PPIP5K2: variants seen among roughly 807,000 people sequenced by gnomAD.
The protein encoded by PPIP5K2 is inositol hexakisphosphate and diphosphoinositol-pentakisphosphate kinase 2.
A neutral mutation model predicts 154.6 loss-of-function variants in PPIP5K2; 105 were observed. The ratio of observed to expected loss-of-function variants is 0.68; its 90% CI spans 0.58 to 0.80. PPIP5K2 has a LOEUF of 0.80. Ranked by LOEUF, PPIP5K2 falls within the 30% of genes least tolerant of loss-of-function variation. The probability of loss-of-function intolerance (pLI) is 0.00; values close to 1 mark genes in which losing one functional copy is unlikely to be tolerated. For synonymous variants in PPIP5K2, 480 were observed against 490.3 expected, an observed-to-expected ratio of 0.98 and a Z score of 0.28; for missense variants, 992 against 1,504.6, an observed-to-expected ratio of 0.66 and a Z score of 5.64.
At chr5:103,192,879 G>A (rs150470871) in intron 29 of PPIP5K2, among the ~76,000 whole-genome samples, 264 of 152,222 alleles carry the variant, frequency 1.7e-3, no homozygotes, top group African/African-American at 6.1e-3. Flanking sequence ...AGAACTAGAT[G>A]AGAAAGTAAA....
chr5:103,196,121 T>C (rs1802057196), intron 30 of PPIP5K2, among the ~76,000 whole-genome samples: 1 of 152,186 alleles, frequency 6.6e-6, no homozygotes, highest in African/African-American at 2.4e-5. Flanking sequence ...TCTCTTTACT[T>C]CTCCCCAAAT....
intron 25 of PPIP5K2, 33 bp downstream of exon 25, chr5:103,183,440 C>T: frequency 6.4e-7 from 1 of 1,564,290 alleles, no homozygotes; most frequent in Non-Finnish European, 8.7e-7. Context: ...AACATTTTTC[C>T]TCCCTGCATT....
At chr5:103,147,375 A>G (rs1793926380) in intron 6 of PPIP5K2, among the ~76,000 whole-genome samples, 1 of 151,976 alleles carries the variant, frequency 6.6e-6, no homozygotes, top group South Asian at 2.1e-4. Context: ...AAACTTACAC[A>G]TTGCTGATGA....
chr5:103,138,263 G>A (rs913224081), intron 4 of PPIP5K2, 121 bp from the exon 5 acceptor site: 2 of 440,524 alleles, frequency 4.5e-6, no homozygotes, highest in African/African-American at 2.0e-5. Context: ...AATAAAAAGT[G>A]TTGAGATATA....
intron 2 of PPIP5K2, 47 bp from the exon 3 acceptor site, chr5:103,133,406 G>A (rs925630108): frequency 7.9e-6 from 12 of 1,520,964 alleles, no homozygotes; most frequent in African/African-American, 1.4e-5. Flanking sequence ...CTGTACTTTG[G>A]AGTTCATGTA....
Position 103,177,988 on chromosome 5 carries a change from A to T in PPIP5K2, c.2754+8A>T. 1.3e-6 allele frequency: 2 copies of T among 1,534,716 alleles called. No individual in the cohort carries two copies. Among genetic ancestry groups the T allele is most frequent in the Non-Finnish European group, 1.8e-6 (2 of 1,108,434 alleles). ...AGACCAGCTTCCAGAGAGGTAATGAAGGTGGAACTCTCAGTGCTTAGTTAC... is the reference window on the plus strand; with the variant it reads ...AGACCAGCTTCCAGAGAGGTAATGATGGTGGAACTCTCAGTGCTTAGTTAC... On this transcript the variant is annotated splice_region_variant and intron_variant, in intron 23 of 30. Coordinates refer to ENST00000358359, the MANE Select transcript of PPIP5K2 (RefSeq NM_001276277.3).
rs1476478516 is a variant in PPIP5K2, at chr5:103,202,005, T to C, written c.*371T>C. The C allele has an allele frequency of 6.2e-6, 1 of 160,642 alleles. No homozygotes were observed. The allele number at this position is 160,642 out of a possible 1,614,324, so 10.0% of individuals were successfully genotyped here. ...CTTTTATTTTCATGGGATTGCATCTTAGCTGTTAAAACTTCTAGATTGAAA... is the reference window on the plus strand; with the variant it reads ...CTTTTATTTTCATGGGATTGCATCTCAGCTGTTAAAACTTCTAGATTGAAA... On this transcript the variant is annotated 3_prime_UTR_variant, in exon 31 of 31. Coordinates refer to ENST00000358359, the MANE Select transcript of PPIP5K2 (RefSeq NM_001276277.3).
In PPIP5K2 at chr5:103,210,362, A is replaced by G. The variant is rs1169654256; in HGVS notation, c.*8728A>G. 3 of 152,262 alleles carry G rather than the reference A, an allele frequency of 2.0e-5. No homozygotes were observed. The East Asian group carries it at 5.8e-4, about 29-fold the overall frequency. The allele number at this position is 152,262 out of a possible 1,614,324, so 9.4% of individuals were successfully genotyped here. A position where few individuals can be genotyped will look rare whatever the true frequency, so the allele number is the denominator to read the frequency against. On this transcript the variant is annotated 3_prime_UTR_variant, in exon 31 of 31. Coordinates refer to ENST00000358359, the MANE Select transcript of PPIP5K2 (RefSeq NM_001276277.3). ...AGATGCTTTAATTCCATTTTTGACA[A>G]TGAACCTTGTGCTTCTGAAAATATT...
Position 103,209,026 on chromosome 5 carries a change from G to T in PPIP5K2, c.*7392G>T, listed in dbSNP as rs1185857636. 2 of 152,170 alleles carry T rather than the reference G, an allele frequency of 1.3e-5. No individual in the cohort carries two copies. Among genetic ancestry groups the T allele is most frequent in the Admixed American group, 1.3e-4 (2 of 15,270 alleles). The allele number at this position is 152,170 out of a possible 1,614,324, so 9.4% of individuals were successfully genotyped here. ...AACAAAAGAAGCCTGCCTCTCTTTA[G>T]ACTGCCCATCTCAATTATATTTTAA... On this transcript the variant is annotated 3_prime_UTR_variant, in exon 31 of 31. Transcript: ENST00000358359.
intron 26 of PPIP5K2, among the ~76,000 whole-genome samples, chr5:103,185,114 A>C (rs1484721189): frequency 6.6e-6 from 1 of 152,150 alleles, no homozygotes; most frequent in African/African-American, 2.4e-5. Flanking sequence ...TTTCTGGTTA[A>C]AAATATTTTT....
Position 103,201,672 on chromosome 5 carries a change from A to C in PPIP5K2, c.*38A>C, listed in dbSNP as rs781873551. ...AGCTGGAACTTTTTATACTTATAAA[A>C]ATAGTATGTTCTTATGTTTCTCCTT... On this transcript the variant is annotated 3_prime_UTR_variant, in exon 31 of 31. Coordinates refer to ENST00000358359, the MANE Select transcript of PPIP5K2 (RefSeq NM_001276277.3). 1 of 1,379,074 alleles carries C rather than the reference A, an allele frequency of 7.3e-7. No homozygotes were observed. The highest frequency in any genetic ancestry group is 1.5e-5 in the African/African-American group (1 of 68,184). 85.4% of individuals were successfully genotyped at this position (1,379,074 alleles called of 1,614,324 possible). A position where few individuals can be genotyped will look rare whatever the true frequency, so the allele number is the denominator to read the frequency against.
rs1303281664 is a variant in PPIP5K2, at chr5:103,204,116, T to C, written c.*2482T>C. 2.0e-5 allele frequency: 3 copies of C among 152,216 alleles called. No individual in the cohort carries two copies. The highest frequency in any genetic ancestry group is 2.9e-5 in the Non-Finnish European group (2 of 68,040). 9.4% of individuals were successfully genotyped at this position (152,216 alleles called of 1,614,324 possible). ...TTTCTGTTTTCACCCGGATTTCTTT[T>C]TGGGTTGACTCTGTCTGACCTAAAT... is the stretch of plus-strand genomic sequence containing the variant. On this transcript the variant is annotated 3_prime_UTR_variant, in exon 31 of 31. Transcript: ENST00000358359.
chr5:103,141,343 A>C (rs1359096715), intron 5 of PPIP5K2, among the ~76,000 whole-genome samples: 1 of 151,894 alleles, frequency 6.6e-6, no homozygotes, highest in Non-Finnish European at 1.5e-5. Context: ...TCAGGAGTGA[A>C]GCTGCAGACC....
rs1554211228 is a variant in PPIP5K2 at position 103,151,252 on chromosome 5, G to A, written c.907-1G>A. 1 of 1,590,058 alleles carries A rather than the reference G, an allele frequency of 6.3e-7. No individual in the cohort carries two copies. Among genetic ancestry groups the A allele is most frequent in the Non-Finnish European group, 8.6e-7 (1 of 1,168,542 alleles). On this transcript the variant is annotated splice_acceptor_variant, in intron 8 of 30. Transcript: ENST00000358359. LOFTEE classifies it high-confidence loss of function. Reference sequence around the variant, plus strand: ...TAAAGTTTATAACTTATTTTAAATAGCAAACAGTTTGTGGCTTTGATTTGT... The same window carrying A: ...TAAAGTTTATAACTTATTTTAAATAACAAACAGTTTGTGGCTTTGATTTGT...
At chr5:103,136,677 G>A in intron 3 of PPIP5K2, 55 bp from the exon 4 acceptor site, 2 of 1,386,314 alleles carry the variant, frequency 1.4e-6, no homozygotes, top group Non-Finnish European at 2.1e-6. Flanking sequence ...AGTTAATAAA[G>A]TATAGATGCT....
At chr5:103,167,662 A>G (rs2149673531) in intron 18 of PPIP5K2, among the ~76,000 whole-genome samples, 1 of 152,034 alleles carries the variant, frequency 6.6e-6, no homozygotes, top group African/African-American at 2.4e-5. Flanking sequence ...AACTCAGACA[A>G]CTTTGGCATC....
intron 27 of PPIP5K2, among the ~76,000 whole-genome samples, chr5:103,186,901 G>T (rs542861982): frequency 6.6e-6 from 1 of 152,212 alleles, no homozygotes; most frequent in Non-Finnish European, 1.5e-5. Flanking sequence ...AGCTGAAGGA[G>T]ATCCTCTTAA....
rs372358307 is a variant in PPIP5K2, at chr5:103,194,048, CTTAA to C, written c.3494-848_3494-845del. Among the ~76,000 whole-genome samples the C allele has an allele frequency of 5.7e-3, 874 of 152,282 alleles. 11 individuals carry two copies. The highest frequency in any genetic ancestry group is 0.02 in the African/African-American group (827 of 41,554). On this transcript the variant is annotated intron_variant, in intron 29 of 30. Coordinates refer to ENST00000358359, the MANE Select transcript of PPIP5K2 (RefSeq NM_001276277.3). Reference sequence around the variant, plus strand: ...AAATAGTATCTTTTATTACTTATAACTTAATTAGTTTATTCCTAAATATGATAGT... The same window carrying C: ...AAATAGTATCTTTTATTACTTATAACTTAGTTTATTCCTAAATATGATAGT...
At chr5:103,136,850 G>T in intron 4 of PPIP5K2, 28 bp downstream of exon 4, 6 of 1,536,178 alleles carry the variant, frequency 3.9e-6, no homozygotes, top group Non-Finnish European at 5.4e-6. Context: ...CTGAATTAAG[G>T]GAAGGAAAAA....
Sources: gnomAD v4.1 joint callset for allele counts (sites outside exome capture counted in the v4.1 genomes callset) on GRCh38, gnomAD v4.1.1 for gene constraint, MANE v1.5 for transcripts, NCBI Gene and HGNC (gene_info 2026-07-23, HGNC 2026-07-21) for gene names.